TMEM214: variants seen among roughly 807,000 people sequenced by gnomAD.
The protein encoded by TMEM214 is transmembrane protein 214.
Under a neutral mutation model 89.8 loss-of-function variants are expected in TMEM214, and 71 were observed. The observed-to-expected ratio is 0.79, with a 90% CI of 0.65 to 0.96. The LOEUF is 0.96. TMEM214 is among the 40% of genes least tolerant of loss of function. TMEM214 has a pLI of 0.00. For missense variants in TMEM214, 754 were observed against 843.4 expected (o/e 0.89, Z 1.31); for synonymous variants, 332 against 349.5 (o/e 0.95, Z 0.56).
chr2:27,035,525 G>GA, intron 3 of TMEM214, 69 bp from the exon 4 acceptor site: 1 of 1,593,710 alleles, frequency 6.3e-7, no homozygotes, highest in Non-Finnish European at 8.6e-7. Context: ...TTCCCAGGGA[G>GA]AGCACCACAG....
At chr2:27,039,951 C>T in intron 14 of TMEM214, 79 bp from the exon 15 acceptor site, 2 of 1,594,522 alleles carry the variant, frequency 1.3e-6, no homozygotes, top group South Asian at 2.2e-5. Context: ...CACGGCCTCC[C>T]TTTCCCCAGC....
Position 27,037,693 on chromosome 2 carries a change from G to A in TMEM214, c.1143G>A (p.Met381Ile), listed in dbSNP as rs1045118216. The stretch of plus-strand genomic sequence containing the variant: ...CCACCCCTAGCTGTCCCCCTGAGAT[G>A]AAGAAAGAGGTGAGGATATGGTGGG... ...SRATPSCPPE[M>I]KKELLSSLTE... Residue 381 changes from methionine (M) to isoleucine (I), a missense_variant, in exon 9 of 17, where the codon ATG becomes ATA. By Grantham distance (10) the Met-to-Ile change is conservative (BLOSUM62 1). Coordinates refer to ENST00000238788, the MANE Select transcript of TMEM214 (RefSeq NM_017727.5). The A allele has an allele frequency of 1.9e-6, 3 of 1,614,010 alleles. No homozygotes were observed. The highest frequency in any genetic ancestry group is 2.5e-6 in the Non-Finnish European group (3 of 1,180,034).
chr2:27,037,898 G>C, intron 9 of TMEM214, 196 bp downstream of exon 9: 1 of 1,552,116 alleles, frequency 6.4e-7, no homozygotes, highest in Non-Finnish European at 8.7e-7. Flanking sequence ...TTCAGGTCTG[G>C]GTGGTTTCTG....
At position 27,035,176 on chromosome 2, in the gene TMEM214, G is replaced by C; in HGVS notation, c.393G>C (p.Gln131His). The C allele has an allele frequency of 1.2e-6, 2 of 1,614,160 alleles. No individual in the cohort carries two copies. Among genetic ancestry groups the C allele is most frequent in the Non-Finnish European group, 1.7e-6 (2 of 1,180,046 alleles). The change falls in exon 3 of 17, where the codon CAG (glutamine) becomes CAC (histidine). Residue 131 changes from glutamine (Q) to histidine (H), a missense_variant. Gln to His is a conservative substitution (Grantham distance 24, BLOSUM62 0). Transcript: ENST00000238788. Reference protein sequence around the residue: ...ADLQKELDKSQSVFSGNPSIW... With the variant: ...ADLQKELDKSHSVFSGNPSIW... ...TGCAGAAGGAACTGGACAAGAGCCA[G>C]AGTGTGTTCTCTGGAAACCCATCCA...
At chr2:27,035,010 C>T in intron 2 of TMEM214, 125 bp from the exon 3 acceptor site, 2 of 1,047,716 alleles carry the variant, frequency 1.9e-6, no homozygotes, top group Non-Finnish European at 2.8e-6. Flanking sequence ...TGTTCTTATG[C>T]TTAAAAATGG....
Position 27,039,842 on chromosome 2 carries a change from GCTC to G in TMEM214, c.1622+10_1622+12del. The G allele has an allele frequency of 6.2e-7, 1 of 1,614,102 alleles. No individual in the cohort carries two copies. The highest frequency in any genetic ancestry group is 1.7e-4 in the Middle Eastern group (1 of 6,060). The stretch of plus-strand genomic sequence containing the variant: ...CTACAGTCTGCAAGGCTACAGGTGA[GCTC>G]CTCCCAGGGAGGGGAGAGGAGAGGC... On this transcript the variant is annotated splice_donor_region_variant and intron_variant, in intron 14 of 16. Transcript: ENST00000238788.
intron 9 of TMEM214, chr2:27,037,917 C>T: frequency 2.6e-6 from 4 of 1,550,176 alleles, no homozygotes; most frequent in Non-Finnish European, 3.5e-6. Context: ...TGATGCCCGT[C>T]TCTTGCAGAT....
intron 3 of TMEM214, 85 bp downstream of exon 3, chr2:27,035,370 G>A: frequency 6.4e-7 from 1 of 1,556,440 alleles, no homozygotes; most frequent in Non-Finnish European, 8.8e-7. Context: ...GCCCCACACT[G>A]TCCTGATTTC....
chr2:27,038,987 C>A lies in TMEM214; in HGVS notation c.1408-60C>A. The stretch of plus-strand genomic sequence containing the variant: ...GGGAAGGCCTGGCTTGAGGTCTGCC[C>A]TCAGAGGCAAAGACCAGCCCCTCGC... On this transcript the variant is annotated intron_variant, in intron 12 of 16. Transcript: ENST00000238788. This position sits in a 1 kb window ranked among gnomAD's most constrained non-coding sequence, Gnocchi z 4.4. 6.3e-7 allele frequency: 1 copy of A among 1,577,012 alleles called. No homozygotes were observed. The highest frequency in any genetic ancestry group is 8.7e-7 in the Non-Finnish European group (1 of 1,149,952).
chr2:27,036,114 T>C (rs1667548369), intron 5 of TMEM214, 62 bp downstream of exon 5: 1 of 1,516,004 alleles, frequency 6.6e-7, no homozygotes, highest in Non-Finnish European at 9.1e-7. Flanking sequence ...GGGCAGAATC[T>C]ATGTTGTTGG....
Position 27,039,106 on chromosome 2 carries a change from G to A in TMEM214, c.1467G>A (p.Leu489=), listed in dbSNP as rs778244363. 2.5e-6 allele frequency: 4 copies of A among 1,613,790 alleles called. No individual in the cohort carries two copies. Among genetic ancestry groups the A allele is most frequent in the Non-Finnish European group, 3.4e-6 (4 of 1,180,054 alleles). ...CCTGGACGCGGCTCCTCCTGTTGCT[G>A]CTGGTCTTCGCTGTAGGCTTCCTGT... The part of the protein sequence containing the change: ...RLPWTRLLLL[L]LVFAVGFLCH... The change falls in exon 13 of 17, where the codon CTG becomes CTA. Residue 489 remains leucine, a synonymous_variant. Transcript: ENST00000238788.
rs746556868 is a variant in TMEM214, at chr2:27,040,176, G to T, written c.1769G>T (p.Ser590Ile). Residue 590 changes from serine to isoleucine, a missense_variant, in exon 15 of 17, where the codon AGT becomes ATT. Physicochemically the swap from Ser to Ile is moderately radical, Grantham distance 142. Coordinates refer to ENST00000238788, the MANE Select transcript of TMEM214 (RefSeq NM_017727.5). ...TCTCACCTTGCGTGGTTTGGTGACA[G>T]TCTCACCAGTCTCTCTCAGAGGGTA... The part of the protein sequence containing the change: ...CASHLAWFGD[S>I]LTSLSQRLQI... 1 of 1,605,964 alleles carries T rather than the reference G, an allele frequency of 6.2e-7. No individual in the cohort carries two copies.
intron 13 of TMEM214, 44 bp downstream of exon 13, chr2:27,039,208 A>T: frequency 6.5e-7 from 1 of 1,540,622 alleles, no homozygotes. Flanking sequence ...TGGGCGGGGC[A>T]CAGAGCTACA....
Position 27,040,514 on chromosome 2 carries a change from G to T in TMEM214, c.1943+18G>T, listed in dbSNP as rs755359950. 3.1e-6 allele frequency: 5 copies of T among 1,610,356 alleles called. No individual in the cohort carries two copies. The African/African-American group carries it at 6.7e-5, about 21-fold the overall frequency. On this transcript the variant is annotated intron_variant, in intron 16 of 16. Transcript: ENST00000238788. ...GCATGCAGGTGAGACCTTTGCCCAG[G>T]GCTCCGGCAGGATCCCCAGCAGCCC... is the stretch of plus-strand genomic sequence containing the variant.
At position 27,039,647 on chromosome 2, in the gene TMEM214, C is replaced by T. The variant is rs111341482; in HGVS notation, c.1526-94C>T. On this transcript the variant is annotated intron_variant, in intron 13 of 16. Coordinates refer to ENST00000238788, the MANE Select transcript of TMEM214 (RefSeq NM_017727.5). Reference sequence around the variant, plus strand: ...TGTGAGAACACAAAGCTCTGCCCAGCGCCTCGCTGTGCCTGCTCTGGGCCC... The same window carrying T: ...TGTGAGAACACAAAGCTCTGCCCAGTGCCTCGCTGTGCCTGCTCTGGGCCC... 3.7e-5 allele frequency: 40 copies of T among 1,086,242 alleles called. 1 individual carries two copies. The highest frequency in any genetic ancestry group is 1.9e-4 in the African/African-American group (12 of 64,706). The allele number at this position is 1,086,242 out of a possible 1,614,324, so 67.3% of individuals were successfully genotyped here.
At chr2:27,036,683 C>T in intron 6 of TMEM214, 22 bp from the exon 7 acceptor site, 1 of 1,614,148 alleles carries the variant, frequency 6.2e-7, no homozygotes. Flanking sequence ...TGAGGCCTCC[C>T]TCGTGACTTT....
intron 2 of TMEM214, 39 bp downstream of exon 2, chr2:27,034,305 G>T: frequency 1.9e-6 from 3 of 1,603,656 alleles, no homozygotes; most frequent in Non-Finnish European, 2.6e-6. Flanking sequence ...AAGAATGGGG[G>T]CTTGAGATTT....
chr2:27,038,814 A>G lies in TMEM214; in HGVS notation c.1406A>G (p.Lys469Arg), dbSNP rs1558399546. ...GTCGTCACCTGTGACATGGCCTGCA[A>G]GGTGCTGGCACCCGGTCCTCTCCAG... Reference protein sequence around the residue: ...QDVVTCDMACKGLLQQVQGPR... With the variant: ...QDVVTCDMACRGLLQQVQGPR... Residue 469 changes from lysine (K) to arginine (R), a missense_variant and splice_region_variant, in exon 12 of 17, where the codon AAG becomes AGG. By Grantham distance (26) the Lys-to-Arg change is conservative. Coordinates refer to ENST00000238788, the MANE Select transcript of TMEM214 (RefSeq NM_017727.5). The surrounding 1 kb of genome is among the most constrained non-coding windows in gnomAD (Gnocchi z 4.4). 4 of 1,612,350 alleles carry G rather than the reference A, an allele frequency of 2.5e-6. No homozygotes were observed. Among genetic ancestry groups the G allele is most frequent in the Non-Finnish European group, 3.4e-6 (4 of 1,178,468 alleles).
intron 16 of TMEM214, 92 bp from the exon 17 acceptor site, chr2:27,040,619 C>A: frequency 6.3e-7 from 1 of 1,588,348 alleles, no homozygotes; most frequent in Non-Finnish European, 8.6e-7. Flanking sequence ...CCTGGCCACC[C>A]TGGGATGAGG....
Sources: allele counts gnomAD v4.1 joint callset, GRCh38; gene constraint gnomAD v4.1.1; non-coding constraint Gnocchi (gnomAD v3.1); transcripts MANE v1.5; gene names NCBI Gene and HGNC (gene_info 2026-07-23, HGNC 2026-07-21).